NR2E1: variants seen among roughly 807,000 people sequenced by gnomAD.
NR2E1 encodes nuclear receptor subfamily 2 group E member 1, also known as nuclear receptor TLX.
A neutral mutation model predicts 43.6 loss-of-function variants in NR2E1; 5 were observed. The observed-to-expected ratio is 0.11, with a 90% CI of 0.06 to 0.24. The LOEUF is 0.24. Among genes scored for constraint, NR2E1 ranks in the 10% least tolerant of loss-of-function variants. NR2E1 has a pLI of 1.00. For synonymous variants in NR2E1, 191 were observed against 195.5 expected, an observed-to-expected ratio of 0.98 and a Z score of 0.19; for missense variants, 287 against 496.7, an observed-to-expected ratio of 0.58 and a Z score of 4.01.
intron 2 of NR2E1, among the ~76,000 whole-genome samples, chr6:108,173,028 C>G (rs891286763): frequency 8.5e-5 from 13 of 152,240 alleles, no homozygotes; most frequent in African/African-American, 3.1e-4. Context: ...AAATCAAGAT[C>G]TCTGATGTTG....
At chr6:108,185,687 A>G (rs1476964974) in intron 8 of NR2E1, among the ~76,000 whole-genome samples, 1 of 152,146 alleles carries the variant, frequency 6.6e-6, no homozygotes, top group Non-Finnish European at 1.5e-5. Context: ...ACCACACCTG[A>G]CCTCATACAT....
intron 1 of NR2E1, among the ~76,000 whole-genome samples, chr6:108,167,680 G>A (rs1276384702): frequency 6.6e-6 from 1 of 152,160 alleles, no homozygotes. Context: ...GCCCACGGCT[G>A]CGGGCTCCAG....
chr6:108,175,516 C>T (rs1379927751), intron 3 of NR2E1, among the ~76,000 whole-genome samples: 1 of 152,240 alleles, frequency 6.6e-6, no homozygotes, highest in African/African-American at 2.4e-5. Context: ...GGGTAACGCC[C>T]GTGGGTGCCT....
chr6:108,180,814 C>T lies in NR2E1; in HGVS notation c.747C>T (p.Asn249=), dbSNP rs148490857. The part of the protein sequence containing the change: ...ANTLLAVSGM[N]GDNTDSQKLN... ...CCCATATTTTTATTCTAGGCATGAA[C>T]GGTGACAACACAGATTCCCAGAAGC... Residue 249 remains asparagine, a synonymous_variant, in exon 7 of 9, where the codon AAC becomes AAT. Transcript: ENST00000368986. The surrounding 1 kb of genome is among the most constrained non-coding windows in gnomAD (Gnocchi z 5.4). 57 of 1,613,610 alleles carry T rather than the reference C, an allele frequency of 3.5e-5. No homozygotes were observed. Among genetic ancestry groups the T allele is most frequent in the Non-Finnish European group, 4.2e-5 (49 of 1,179,652 alleles).
intron 5 of NR2E1, among the ~76,000 whole-genome samples, chr6:108,179,972 T>C (rs1773959128): frequency 6.6e-6 from 1 of 151,900 alleles, no homozygotes; most frequent in Non-Finnish European, 1.5e-5. Context: ...GCATTCTCTG[T>C]GAGGGGAATC....
Position 108,171,507 on chromosome 6 carries a change from G to T in NR2E1, c.75G>T (p.Gly25=). The change falls in exon 2 of 9, where the codon GGG becomes GGT. Residue 25 remains glycine (G), a synonymous_variant. Coordinates refer to ENST00000368986, the MANE Select transcript of NR2E1 (RefSeq NM_003269.5). ...PCKVCGDRSS[G]KHYGVYACDG... is the part of the protein sequence containing the mutation. ...AAGTGTGTGGCGACCGCAGCTCGGG[G>T]AAGCACTACGGGGTCTACGCCTGCG... The T allele has an allele frequency of 6.2e-7, 1 of 1,614,054 alleles. No individual in the cohort carries two copies. Among genetic ancestry groups the T allele is most frequent in the South Asian group, 1.1e-5 (1 of 91,074 alleles).
At position 108,181,656 on chromosome 6, in the gene NR2E1, C is replaced by A; in HGVS notation, c.995+5C>A. The stretch of plus-strand genomic sequence containing the variant: ...CAACAGCTACATCCATACCAGGTGA[C>A]CCTTGTTTGCCTTGAACATGTACTT... On this transcript the variant is annotated splice_donor_5th_base_variant and intron_variant, in intron 8 of 8. Coordinates refer to ENST00000368986, the MANE Select transcript of NR2E1 (RefSeq NM_003269.5). 1 of 1,611,270 alleles carries A rather than the reference C, an allele frequency of 6.2e-7. No homozygotes were observed.
intron 8 of NR2E1, 33 bp from the exon 9 acceptor site, chr6:108,187,268 C>T: frequency 6.2e-7 from 1 of 1,613,902 alleles, no homozygotes; most frequent in Admixed American, 1.7e-5. Flanking sequence ...GTAATGGCCT[C>T]TGACCTTGTT....
chr6:108,179,492 CTGTGTGTGTG>C (rs34907033), intron 5 of NR2E1, among the ~76,000 whole-genome samples: 113 of 131,424 alleles, frequency 8.6e-4, no homozygotes, highest in Admixed American at 8.7e-4. Context: ...TAACCACTTC[CTGTGTGTGTG>C]TGTGTGTGTG....
In NR2E1 at chr6:108,166,942, C is replaced by A; in HGVS notation, c.25+152C>A. 1.2e-6 allele frequency: 1 copy of A among 840,454 alleles called. No homozygotes were observed. Among genetic ancestry groups the A allele is most frequent in the Non-Finnish European group, 1.9e-6 (1 of 522,862 alleles). The allele number at this position is 840,454 out of a possible 1,614,324, so 52.1% of individuals were successfully genotyped here. A position where few individuals can be genotyped will look rare whatever the true frequency, so the allele number is the denominator to read the frequency against. On this transcript the variant is annotated intron_variant, in intron 1 of 8. Coordinates refer to ENST00000368986, the MANE Select transcript of NR2E1 (RefSeq NM_003269.5). This position sits in a 1 kb window ranked among gnomAD's most constrained non-coding sequence, Gnocchi z 7.2. ...GTGCGTTCGGCCCAGACCTGTAGAC[C>A]GTGAGTTGGAGCATTTCGTGGAGAG...
At chr6:108,187,182 C>A in intron 8 of NR2E1, 119 bp from the exon 9 acceptor site, 1 of 1,188,592 alleles carries the variant, frequency 8.4e-7, no homozygotes, top group Non-Finnish European at 1.3e-6. Context: ...TGCAGGGATA[C>A]TGTGTTATTC....
intron 7 of NR2E1, 78 bp downstream of exon 7, chr6:108,181,034 A>G: frequency 6.7e-7 from 1 of 1,483,460 alleles, no homozygotes; most frequent in Non-Finnish European, 9.4e-7. Flanking sequence ...CGAAGTCTGA[A>G]CTGACCTTTG....
chr6:108,184,060 C>A (rs545132734), intron 8 of NR2E1, among the ~76,000 whole-genome samples: 1 of 152,048 alleles, frequency 6.6e-6, no homozygotes, highest in African/African-American at 2.4e-5. Context: ...GGCGTCATGA[C>A]GTGCACCTGT....
At chr6:108,171,267 C>T (rs998607955) in intron 1 of NR2E1, among the ~76,000 whole-genome samples, 191 bp from the exon 2 acceptor site, 1 of 152,160 alleles carries the variant, frequency 6.6e-6, no homozygotes, top group Non-Finnish European at 1.5e-5. Flanking sequence ...AGGAAACTGA[C>T]ACTTGCTCAA....
intron 1 of NR2E1, 112 bp from the exon 2 acceptor site, chr6:108,171,346 C>T: frequency 8.4e-7 from 1 of 1,191,214 alleles, no homozygotes; most frequent in Non-Finnish European, 1.2e-6. Context: ...CTAATCCCTT[C>T]AGAGGTCAGA....
chr6:108,171,370 C>T, intron 1 of NR2E1, 88 bp from the exon 2 acceptor site: 1 of 1,401,424 alleles, frequency 7.1e-7, no homozygotes, highest in Non-Finnish European at 1.0e-6. Flanking sequence ...CTTAGCATCT[C>T]TCTCTCCCTC....
intron 8 of NR2E1, among the ~76,000 whole-genome samples, chr6:108,183,931 C>T (rs933769489): frequency 6.6e-6 from 1 of 152,148 alleles, no homozygotes; most frequent in African/African-American, 2.4e-5. Flanking sequence ...GTGGCTCACA[C>T]CTGTAATCCC....
chr6:108,187,826 A>G lies in NR2E1; in HGVS notation c.*363A>G, dbSNP rs1236540182. The G allele has an allele frequency of 3.2e-6, 1 of 315,530 alleles. No homozygotes were observed. The highest frequency in any genetic ancestry group is 2.1e-5 in the African/African-American group (1 of 46,824). The allele number at this position is 315,530 out of a possible 1,614,324, so 19.5% of individuals were successfully genotyped here. ...TAAGTAGTGCTTTCTCTTCCTTTTT[A>G]GCATACAAAGTTTGGTAACCAAATA... On this transcript the variant is annotated 3_prime_UTR_variant, in exon 9 of 9. Coordinates refer to ENST00000368986, the MANE Select transcript of NR2E1 (RefSeq NM_003269.5).
At chr6:108,168,559 AGCCTGAGTGAGGCCTTGGAAGCCT>A (rs1293034665) in intron 1 of NR2E1, among the ~76,000 whole-genome samples, 8 of 152,236 alleles carry the variant, frequency 5.3e-5, no homozygotes, top group Non-Finnish European at 7.3e-5. Flanking sequence ...ACTTGCCAAG[AGCCTGAGTGAGGCCTTGGAAGCCT>A]CCAGCCCCGG....
Sources: allele counts gnomAD v4.1 joint callset (sites outside exome capture counted in the v4.1 genomes callset), GRCh38; gene constraint gnomAD v4.1.1; non-coding constraint Gnocchi (gnomAD v3.1); transcripts MANE v1.5; gene names NCBI Gene and HGNC (gene_info 2026-07-23, HGNC 2026-07-21).